Variants in XPR1 observed in about 807,000 individuals in gnomAD.
XPR1 encodes the protein solute carrier family 53 member 1.
Under a neutral mutation model 87.5 loss-of-function variants are expected in XPR1, and 28 were observed. That is an observed-to-expected ratio of 0.32 (90% confidence interval 0.24 to 0.44). The LOEUF is 0.44. XPR1 is among the 20% of genes least tolerant of loss of function. The pLI, the probability that XPR1 is intolerant of heterozygous loss-of-function variation, is 1.00. For synonymous variants in XPR1, 300 were observed against 306.1 expected (o/e 0.98, Z 0.21); for missense variants, 559 against 862.3 (o/e 0.65, Z 4.41).
intron 11 of XPR1, among the ~76,000 whole-genome samples, chr1:180,841,643 G>A (rs1434722203): frequency 1.3e-5 from 2 of 152,064 alleles, no homozygotes; most frequent in East Asian, 1.9e-4. Flanking sequence ...GGCAAGTATC[G>A]ATTAGAAATG....
chr1:180,715,546 T>C (rs1331531877), intron 2 of XPR1, among the ~76,000 whole-genome samples: 1 of 152,218 alleles, frequency 6.6e-6, no homozygotes, highest in Non-Finnish European at 1.5e-5. Flanking sequence ...CAGCATTCTT[T>C]CCACTGAACC....
At chr1:180,787,307 T>C (rs1200055021) in intron 2 of XPR1, among the ~76,000 whole-genome samples, 1 of 151,634 alleles carries the variant, frequency 6.6e-6, no homozygotes, top group Non-Finnish European at 1.5e-5. Context: ...GTTTTTTTTG[T>C]TTTTGTTTTT....
intron 11 of XPR1, among the ~76,000 whole-genome samples, chr1:180,852,697 C>T (rs903212047): frequency 7.9e-5 from 12 of 152,038 alleles, no homozygotes; most frequent in Admixed American, 2.0e-4. Flanking sequence ...TACAGGTGTG[C>T]GCCACCACAC....
chr1:180,661,142 T>C (rs912769830), intron 1 of XPR1, among the ~76,000 whole-genome samples: 5 of 152,134 alleles, frequency 3.3e-5, no homozygotes, highest in Admixed American at 1.3e-4. Flanking sequence ...GAATCTTTGG[T>C]GTATTTTGTA....
chr1:180,882,058 C>A (rs953367540), intron 14 of XPR1, among the ~76,000 whole-genome samples: 3 of 152,142 alleles, frequency 2.0e-5, no homozygotes, highest in African/African-American at 7.2e-5. Flanking sequence ...TTGGTGACCT[C>A]ATTGAGCTCC....
chr1:180,783,747 T>C (rs1649031813), intron 2 of XPR1, among the ~76,000 whole-genome samples: 1 of 152,018 alleles, frequency 6.6e-6, no homozygotes, highest in Admixed American at 6.6e-5. Context: ...AGTTTGTTTC[T>C]TTTTCACTAT....
At chr1:180,811,007 A>G (rs568202740) in intron 6 of XPR1, among the ~76,000 whole-genome samples, 190 of 152,180 alleles carry the variant, frequency 1.2e-3, no homozygotes, top group African/African-American at 4.4e-3. Flanking sequence ...ACCTAATACA[A>G]TGTAAATGCT....
chr1:180,711,150 G>A (rs1288994377), intron 2 of XPR1, among the ~76,000 whole-genome samples: 5 of 151,388 alleles, frequency 3.3e-5, no homozygotes, highest in Non-Finnish European at 5.9e-5. Flanking sequence ...GGGCAGAGGC[G>A]CTCCCCACAT....
At chr1:180,811,383 C>T in intron 6 of XPR1, 24 bp from the exon 7 acceptor site, 2 of 1,597,468 alleles carry the variant, frequency 1.3e-6, no homozygotes, top group Non-Finnish European at 1.7e-6. Flanking sequence ...GTCCTGTACT[C>T]AAATACTATT....
Position 180,823,363 on chromosome 1 carries a change from A to G in XPR1, c.764-1390A>G, listed in dbSNP as rs377553876. 1.1e-4 allele frequency among the ~76,000 whole-genome samples: 17 copies of G among 152,368 alleles called. No homozygotes were observed. In the East Asian group the frequency reaches 2.9e-3, roughly 26 times the overall value. On this transcript the variant is annotated intron_variant, in intron 7 of 14. Transcript: ENST00000367590. ...AAGTGTTTCTCATACAGTGGGCTTA[A>G]AACGAAATATGTTGATTCAGTGAAT...
intron 2 of XPR1, among the ~76,000 whole-genome samples, chr1:180,686,672 G>A (rs1038816108): frequency 6.6e-6 from 1 of 152,016 alleles, no homozygotes; most frequent in Non-Finnish European, 1.5e-5. Flanking sequence ...AATATATATC[G>A]AGAATATTCT....
chr1:180,786,456 C>G (rs556323677), intron 2 of XPR1, among the ~76,000 whole-genome samples: 17 of 152,084 alleles, frequency 1.1e-4, no homozygotes, highest in Non-Finnish European at 2.1e-4. Context: ...CTTAGAGTAC[C>G]TTAGAGATCC....
At chr1:180,855,455 A>C (rs1191588557) in intron 11 of XPR1, among the ~76,000 whole-genome samples, 8 of 152,310 alleles carry the variant, frequency 5.3e-5, no homozygotes, top group Admixed American at 3.3e-4. Flanking sequence ...TTATGAGGTC[A>C]GGAGATCGAG....
chr1:180,742,955 A>G (rs908431721), intron 2 of XPR1, among the ~76,000 whole-genome samples: 2 of 151,694 alleles, frequency 1.3e-5, no homozygotes, highest in African/African-American at 4.8e-5. Flanking sequence ...CTTCCTTTTG[A>G]TTAGTATTTG....
intron 2 of XPR1, among the ~76,000 whole-genome samples, chr1:180,691,696 C>T (rs1347905270): frequency 6.6e-6 from 1 of 152,124 alleles, no homozygotes; most frequent in Non-Finnish European, 1.5e-5. Context: ...AGATGTGTTA[C>T]AGTCTCCCTA....
chr1:180,759,595 A>G (rs1232792170), intron 2 of XPR1, among the ~76,000 whole-genome samples: 1 of 152,202 alleles, frequency 6.6e-6, no homozygotes, highest in Non-Finnish European at 1.5e-5. Context: ...TAGACCAATA[A>G]CAGGCTCTGA....
intron 12 of XPR1, 96 bp downstream of exon 12, chr1:180,863,970 T>A: frequency 3.6e-5 from 33 of 924,480 alleles, no homozygotes; most frequent in Non-Finnish European, 4.8e-5. Flanking sequence ...ATTATATTAC[T>A]CTAATATAAT....
intron 2 of XPR1, among the ~76,000 whole-genome samples, chr1:180,714,349 T>TTCTCTCCC (rs1657907001): frequency 1.4e-5 from 1 of 72,098 alleles, no homozygotes; most frequent in Non-Finnish European, 2.8e-5. Flanking sequence ...TTTTTCCCTG[T>TTCTCTCCC]TCTCTCTCTC....
intron 2 of XPR1, among the ~76,000 whole-genome samples, chr1:180,771,372 G>C (rs1331260016): frequency 1.3e-5 from 2 of 151,970 alleles, no homozygotes; most frequent in Admixed American, 1.3e-4. Flanking sequence ...AAAGTTGCAA[G>C]AATATTACAG....
Sources: gnomAD v4.1 joint callset for allele counts (sites outside exome capture counted in the v4.1 genomes callset) on GRCh38, gnomAD v4.1.1 for gene constraint, MANE v1.5 for transcripts, NCBI Gene and HGNC (gene_info 2026-07-23, HGNC 2026-07-21) for gene names.